The following ZNF37A variants were observed in gnomAD, a reference collection of about 807,000 sequenced individuals.
ZNF37A encodes the protein zinc finger protein 37A, also known as zinc finger protein 37a (KOX 21).
ZNF37A carries 10 observed loss-of-function variants against 12.3 expected under a neutral mutation model. The observed-to-expected ratio is 0.82, with a 90% CI of 0.50 to 1.38. The LOEUF (loss-of-function observed/expected upper bound fraction) is 1.38. ZNF37A is among the 40% of genes most tolerant of loss of function. ZNF37A has a pLI of 0.00. For synonymous variants in ZNF37A, 207 were observed against 223.0 expected, an observed-to-expected ratio of 0.93 and a Z score of 0.64; for missense variants, 580 against 651.2, an observed-to-expected ratio of 0.89 and a Z score of 1.19.
At chr10:38,142,524 A>C (rs574828703) in intron 7 of ZNF37A, 1 of 152,190 alleles carries the variant, frequency 6.6e-6, no homozygotes, top group African/African-American at 2.4e-5. Context: ...GGACCCCGCA[A>C]GCTTGCTCAG....
chr10:38,128,689 A>C (rs1434416775), downstream of ZNF37A, among the ~76,000 whole-genome samples: 1 of 152,134 alleles, frequency 6.6e-6, no homozygotes, highest in Non-Finnish European at 1.5e-5. Flanking sequence ...AGAGACAGTA[A>C]ATTGCATAAG....
intron 5 of ZNF37A, among the ~76,000 whole-genome samples, chr10:38,101,907 C>T (rs1185735416): frequency 2.6e-5 from 4 of 151,002 alleles, no homozygotes; most frequent in Non-Finnish European, 5.9e-5. Flanking sequence ...TCTGCAACCT[C>T]CGCCTCCAGG....
chr10:38,108,324 A>G (rs2068314882), intron 5 of ZNF37A, among the ~76,000 whole-genome samples: 1 of 152,210 alleles, frequency 6.6e-6, no homozygotes, highest in Non-Finnish European at 1.5e-5. Context: ...ACAACATACC[A>G]GAATCTCTGG....
Position 38,115,066 on chromosome 10 carries a change from AGTGTGTGTGTGTGTGTGTGT to A in ZNF37A, c.143-98_143-79del, listed in dbSNP as rs56124182. The A allele has an allele frequency of 7.5e-4, 466 of 621,406 alleles. 1 individual carries two copies. Among genetic ancestry groups the A allele is most frequent in the Admixed American group, 5.8e-3 (172 of 29,712 alleles). The allele number at this position is 621,406 out of a possible 1,614,324, so 38.5% of individuals were successfully genotyped here. A position where few individuals can be genotyped will look rare whatever the true frequency, so the allele number is the denominator to read the frequency against. ...CTGCCCCCATGACAGGATTAAATGA[AGTGTGTGTGTGTGTGTGTGT>A]GTGTGTGTGTGTGTGTGTGTGTGTG... On this transcript the variant is annotated intron_variant, in intron 6 of 7. Transcript: ENST00000685332.
chr10:38,112,611 C>G (rs1441784974), intron 5 of ZNF37A, among the ~76,000 whole-genome samples: 1 of 150,222 alleles, frequency 6.7e-6, no homozygotes, highest in Non-Finnish European at 1.5e-5. Context: ...GTATTTATCT[C>G]CTGGATTTAT....
intron 7 of ZNF37A, among the ~76,000 whole-genome samples, chr10:38,130,962 G>A (rs1240708899): frequency 6.6e-6 from 1 of 152,144 alleles, no homozygotes; most frequent in Non-Finnish European, 1.5e-5. Context: ...CTGATGTTAA[G>A]CATCTTTTCA....
intron 7 of ZNF37A, among the ~76,000 whole-genome samples, chr10:38,132,185 A>T (rs1179819830): frequency 1.3e-5 from 2 of 152,112 alleles, no homozygotes; most frequent in African/African-American, 4.8e-5. Context: ...CCTTGTTCTT[A>T]GTGGGAAATC....
intron 5 of ZNF37A, among the ~76,000 whole-genome samples, chr10:38,105,386 C>T (rs533988612): frequency 1.3e-5 from 2 of 152,228 alleles, no homozygotes; most frequent in African/African-American, 4.8e-5. Flanking sequence ...CTGGAATTAT[C>T]CATAGTTGCT....
At chr10:38,098,229 T>TG (rs978569989) in intron 5 of ZNF37A, among the ~76,000 whole-genome samples, 3 of 152,232 alleles carry the variant, frequency 2.0e-5, no homozygotes, top group African/African-American at 7.2e-5. Context: ...TGATGGACAT[T>TG]GGGGGTCATC....
chr10:38,130,455 ATT>A (rs757652182), downstream of ZNF37A, among the ~76,000 whole-genome samples: 12 of 151,220 alleles, frequency 7.9e-5, no homozygotes, highest in Admixed American at 4.0e-4. Flanking sequence ...ACACCACACT[ATT>A]TTCTTTTCTT....
intron 5 of ZNF37A, 42 bp downstream of exon 5, chr10:38,096,674 A>ATACAT (rs2067178162): frequency 1.9e-6 from 3 of 1,597,572 alleles, no homozygotes; most frequent in Non-Finnish European, 2.6e-6. Flanking sequence ...AAAAGTAATT[A>ATACAT]TTGAGGTTTA....
intron 7 of ZNF37A, chr10:38,140,902 A>G (rs1241894530): frequency 6.6e-6 from 1 of 152,226 alleles, no homozygotes; most frequent in Non-Finnish European, 1.5e-5. Context: ...AGTCCATACT[A>G]TGCAAATACA....
chr10:38,150,011 A>G (rs2474599), exon 8 of ZNF37A: 63,003 of 152,106 alleles, frequency 0.41, 13,257 homozygotes, highest in East Asian at 0.5. Context: ...AGTGTTGTGA[A>G]GTATTTCCTG....
intron 7 of ZNF37A, chr10:38,142,944 C>A (rs1274607414): frequency 6.6e-6 from 1 of 152,242 alleles, no homozygotes; most frequent in Admixed American, 6.5e-5. Flanking sequence ...GAAGGCCAGT[C>A]TGTCGTGTTT....
intron 5 of ZNF37A, among the ~76,000 whole-genome samples, chr10:38,111,174 T>C (rs1480163831): frequency 1.3e-5 from 2 of 152,284 alleles, no homozygotes; most frequent in Non-Finnish European, 2.9e-5. Flanking sequence ...TGAGTTCATG[T>C]CCTTTGCAGG....
At chr10:38,125,536 A>C (rs1236427322), downstream of ZNF37A, 1 of 152,212 alleles carries the variant, frequency 6.6e-6, no homozygotes, top group Non-Finnish European at 1.5e-5. Flanking sequence ...CAGAAGTAAT[A>C]ATTGTAAACA....
At position 38,112,778 on chromosome 10, in the gene ZNF37A, T is replaced by TCATGG. The variant is rs1554929923; in HGVS notation, c.16-1977_16-1976insCATGG. On this transcript the variant is annotated intron_variant, in intron 5 of 7. Transcript: ENST00000685332. ...TTCTTTTCTTTTCTTTTCTTTTCTT[T>TCATGG]TCTTTTCTTTTCTTTTCTTGTCTTG... 1.7e-4 allele frequency among the ~76,000 whole-genome samples: 11 copies of TCATGG among 63,792 alleles called. 1 individual carries two copies. The highest frequency in any genetic ancestry group is 3.4e-4 in the Non-Finnish European group (10 of 29,240). The allele number at this position is 63,792 out of a possible 152,430, so 41.9% of individuals were successfully genotyped here.
rs973150805 is a variant in ZNF37A, at chr10:38,096,607, A to C, written c.-11A>C. On this transcript the variant is annotated 5_prime_UTR_variant, in exon 5 of 8. Transcript: ENST00000685332. ...TCACAGTTTGCTCTGCTCTTCCAAC[A>C]CCAGTGGAAGATGATCACATCCCAG... 9 of 1,612,332 alleles carry C rather than the reference A, an allele frequency of 5.6e-6. No individual in the cohort carries two copies. Among genetic ancestry groups the C allele is most frequent in the Non-Finnish European group, 7.6e-6 (9 of 1,179,350 alleles).
chr10:38,108,134 C>T (rs1383412751), intron 5 of ZNF37A, among the ~76,000 whole-genome samples: 5 of 152,020 alleles, frequency 3.3e-5, no homozygotes, highest in South Asian at 2.1e-4. Flanking sequence ...TGCAAAAGAA[C>T]GGAAATCATA....
Sources: allele counts gnomAD v4.1 joint callset (sites outside exome capture counted in the v4.1 genomes callset), GRCh38; gene constraint gnomAD v4.1.1; transcripts MANE v1.5; gene names NCBI Gene and HGNC (gene_info 2026-07-23, HGNC 2026-07-21).